SHISAL1: variants seen among roughly 807,000 people sequenced by gnomAD.
SHISAL1 encodes protein shisa-like-1.
A neutral mutation model predicts 22.6 loss-of-function variants in SHISAL1; 9 were observed. The observed-to-expected ratio is 0.40, with a 90% CI of 0.24 to 0.70. The LOEUF is 0.70. SHISAL1 is among the 30% of genes least tolerant of loss of function. The probability of loss-of-function intolerance (pLI) is 0.39; values close to 1 mark genes in which losing one functional copy is unlikely to be tolerated. For missense variants in SHISAL1, 246 were observed against 270.6 expected (o/e 0.91, Z 0.64); for synonymous variants, 119 against 115.4 (o/e 1.03, Z -0.20).
intron 4 of SHISAL1, among the ~76,000 whole-genome samples, chr22:44,250,815 C>T (rs904023719): frequency 6.6e-6 from 1 of 152,160 alleles, no homozygotes; most frequent in Admixed American, 6.5e-5. Context: ...CTTTTACTTG[C>T]GTAAATTGCA....
intron 4 of SHISAL1, among the ~76,000 whole-genome samples, chr22:44,261,996 G>GGCTGGGT (rs1555925832): frequency 6.6e-6 from 1 of 151,670 alleles, no homozygotes; most frequent in African/African-American, 2.4e-5. Context: ...CTGGGCTGGG[G>GGCTGGGT]GCTCAGAACT....
intron 4 of SHISAL1, among the ~76,000 whole-genome samples, chr22:44,273,923 A>G (rs1166300834): frequency 1.3e-5 from 2 of 152,218 alleles, no homozygotes; most frequent in Non-Finnish European, 2.9e-5. Context: ...GAACCATCAA[A>G]GAAATGCAAA....
At chr22:44,266,504 T>C (rs1246567886) in intron 4 of SHISAL1, among the ~76,000 whole-genome samples, 2 of 113,744 alleles carry the variant, frequency 1.8e-5, no homozygotes, top group Non-Finnish European at 3.6e-5. Flanking sequence ...CTCTGGTGTA[T>C]GTGTGTGTTG....
chr22:44,301,256 G>A (rs1296290768), intron 1 of SHISAL1, among the ~76,000 whole-genome samples: 6 of 152,176 alleles, frequency 3.9e-5, no homozygotes, highest in Admixed American at 1.3e-4. Flanking sequence ...ATGACCGGCC[G>A]GCAGAGGCTG....
chr22:44,254,935 CCTCT>C (rs2055074007), intron 4 of SHISAL1, among the ~76,000 whole-genome samples: 1 of 152,168 alleles, frequency 6.6e-6, no homozygotes. Context: ...TCACCAAAGA[CCTCT>C]CTGTTAATAA....
intron 4 of SHISAL1, among the ~76,000 whole-genome samples, chr22:44,252,628 TAAAAA>T (rs11399241): frequency 1.4e-5 from 2 of 140,020 alleles, no homozygotes. Context: ...CACACTTGCT[TAAAAA>T]AAAAAAAAAA....
intron 4 of SHISAL1, among the ~76,000 whole-genome samples, chr22:44,252,101 G>A (rs9614406): frequency 0.14 from 20,651 of 152,128 alleles, 1,668 homozygotes; most frequent in African/African-American, 0.23. Flanking sequence ...CCATCACAGA[G>A]AAGAATGAAA....
At chr22:44,254,666 C>T (rs2055072189) in intron 4 of SHISAL1, among the ~76,000 whole-genome samples, 1 of 152,194 alleles carries the variant, frequency 6.6e-6, no homozygotes, top group Non-Finnish European at 1.5e-5. Flanking sequence ...CTGGCCCCAA[C>T]TACTTGTTCT....
intron 4 of SHISAL1, among the ~76,000 whole-genome samples, chr22:44,279,236 G>A (rs893364152): frequency 6.6e-6 from 1 of 152,174 alleles, no homozygotes; most frequent in African/African-American, 2.4e-5. Context: ...GCCCCAGCTG[G>A]GAAAAGACAG....
At chr22:44,316,414 T>TG (rs569428797), upstream of SHISAL1, among the ~76,000 whole-genome samples, 18 of 75,532 alleles carry the variant, frequency 2.4e-4, no homozygotes, top group African/African-American at 6.4e-4. Context: ...GGGTGGGGGG[T>TG]GGGGGGGCAA....
At chr22:44,296,535 C>G in intron 3 of SHISAL1, 137 bp downstream of exon 3, 2 of 695,870 alleles carry the variant, frequency 2.9e-6, no homozygotes, top group Non-Finnish European at 4.9e-6. Flanking sequence ...CATCCAAAGA[C>G]TCTCCCAGAC....
chr22:44,290,539 A>AAAAAAACAAAAAC lies in SHISAL1; in HGVS notation c.282-4795_282-4794insGTTTTTGTTTTTT, dbSNP rs1377709388. 4.1e-5 allele frequency among the ~76,000 whole-genome samples: 6 copies of AAAAAAACAAAAAC among 148,022 alleles called. 1 individual carries two copies. The highest frequency in any genetic ancestry group is 1.6e-4 in the African/African-American group (6 of 37,752). On this transcript the variant is annotated intron_variant, in intron 3 of 4. Transcript: ENST00000381176. ...AGGGAAACTCAGTCTCAAAAAAAAA[A>AAAAAAACAAAAAC]AAAAACAAAAAACGGGAGTATGGAG...
intron 4 of SHISAL1, among the ~76,000 whole-genome samples, chr22:44,252,187 C>T (rs1213633320): frequency 2.6e-5 from 4 of 152,060 alleles, no homozygotes; most frequent in Non-Finnish European, 5.9e-5. Flanking sequence ...TATAAGTAAA[C>T]TATGACATAT....
At chr22:44,305,606 C>A (rs551150770) in intron 1 of SHISAL1, among the ~76,000 whole-genome samples, 1 of 152,344 alleles carries the variant, frequency 6.6e-6, no homozygotes, top group Non-Finnish European at 1.5e-5. Flanking sequence ...AATCCCAGCC[C>A]TGCGGGACAC....
intron 4 of SHISAL1, among the ~76,000 whole-genome samples, chr22:44,256,213 C>A (rs1293809743): frequency 6.6e-6 from 1 of 151,386 alleles, no homozygotes; most frequent in Non-Finnish European, 1.5e-5. Flanking sequence ...CATCAGCTCT[C>A]CTGGGTCTCA....
In SHISAL1 at chr22:44,285,466, G is replaced by A. The variant is rs949083481; in HGVS notation, c.561C>T (p.His187=). ...TCTGGAAGGTCATCAGCGGTGGGCT[G>A]TGAGCATCTCCCCGCAATGTGTGCA... ...QAVHTLRGDA[H]SPPLMTFQSS... The change falls in exon 4 of 5, where the codon CAC becomes CAT. Residue 187 remains histidine (H), a synonymous_variant. Transcript: ENST00000381176. 7 of 1,613,944 alleles carry A rather than the reference G, an allele frequency of 4.3e-6. No homozygotes were observed. The highest frequency in any genetic ancestry group is 2.2e-5 in the East Asian group (1 of 44,884).
intron 4 of SHISAL1, among the ~76,000 whole-genome samples, chr22:44,272,367 T>A (rs1319288587): frequency 6.6e-6 from 1 of 152,222 alleles, no homozygotes; most frequent in Non-Finnish European, 1.5e-5. Flanking sequence ...AGGGTCAGAA[T>A]GGATTTTCTA....
the SHISAL1 span, among the ~76,000 whole-genome samples, chr22:44,317,974 C>T: frequency 6.6e-6 from 1 of 152,272 alleles, no homozygotes; most frequent in Admixed American, 6.5e-5. Flanking sequence ...GGCTCTGCCA[C>T]TGCAGCCTCC....
chr22:44,277,483 C>G (rs567161087), intron 4 of SHISAL1, among the ~76,000 whole-genome samples: 1 of 151,340 alleles, frequency 6.6e-6, no homozygotes, highest in South Asian at 2.1e-4. Flanking sequence ...CAAAACAAAA[C>G]AGCCTCATGG....
Sources: gnomAD v4.1 joint callset for allele counts (sites outside exome capture counted in the v4.1 genomes callset) on GRCh38, gnomAD v4.1.1 for gene constraint, MANE v1.5 for transcripts, NCBI Gene and HGNC (gene_info 2026-07-23, HGNC 2026-07-21) for gene names.